KANK1: variants seen among roughly 807,000 people sequenced by gnomAD.
The protein encoded by KANK1 is KN motif and ankyrin repeat domains 1.
KANK1 carries 109 observed loss-of-function variants against 106.2 expected under a neutral mutation model. The ratio of observed to expected loss-of-function variants is 1.03; its 90% CI spans 0.88 to 1.20. The LOEUF (loss-of-function observed/expected upper bound fraction) is 1.20, where lower values mean the gene tolerates loss of function less well. Among genes scored for constraint, KANK1 ranks in the 50% most tolerant of loss-of-function variants. KANK1 has a pLI of 0.00. For missense variants in KANK1, 2,399 were observed against 1,710.7 expected (o/e 1.40, Z -7.10); for synonymous variants, 873 against 652.2 (o/e 1.34, Z -5.16).
chr9:569,046 C>A (rs1718181075), intron 1 of KANK1, among the ~76,000 whole-genome samples: 1 of 152,070 alleles, frequency 6.6e-6, no homozygotes, highest in Non-Finnish European at 1.5e-5. Context: ...CAGCTGGGGA[C>A]CAGCTCCACT....
rs77736906 is a variant in KANK1, at chr9:528,139, GA to G, written c.-84+23401del. On this transcript the variant is annotated intron_variant, in intron 1 of 11. Coordinates refer to ENST00000382297, the MANE Select transcript of KANK1 (RefSeq NM_015158.5). Reference sequence around the variant, plus strand: ...GCAACAGAGCGAGACTCCGTCTCGGGAAAAAAAAAAAAAAAACTTTTTAGGA... The same window carrying G: ...GCAACAGAGCGAGACTCCGTCTCGGGAAAAAAAAAAAAAAACTTTTTAGGA... Among the ~76,000 whole-genome samples, 508 of 125,800 alleles carry G rather than the reference GA, an allele frequency of 4.0e-3. 1 individual carries two copies. Among genetic ancestry groups the G allele is most frequent in the African/African-American group, 5.2e-3 (178 of 34,548 alleles). 82.5% of individuals were successfully genotyped at this position (125,800 alleles called of 152,430 possible).
chr9:520,580 C>T (rs2059499557), intron 1 of KANK1, among the ~76,000 whole-genome samples: 1 of 151,696 alleles, frequency 6.6e-6, no homozygotes, highest in South Asian at 2.1e-4. Context: ...ACAATATAAT[C>T]TAACATAATG....
intron 1 of KANK1, among the ~76,000 whole-genome samples, chr9:672,176 G>C (rs1007356997): frequency 5.3e-5 from 8 of 152,144 alleles, no homozygotes; most frequent in African/African-American, 1.9e-4. Flanking sequence ...TTAAATGTCA[G>C]CACTGTCATA....
rs573804181 is a variant in KANK1 at position 676,895 on chromosome 9, A to G, written c.-78A>G. 37 of 1,120,574 alleles carry G rather than the reference A, an allele frequency of 3.3e-5. No homozygotes were observed. In the South Asian group the frequency reaches 4.8e-4, roughly 15 times the overall value. 69.4% of individuals were successfully genotyped at this position (1,120,574 alleles called of 1,614,324 possible). A position where few individuals can be genotyped will look rare whatever the true frequency, so the allele number is the denominator to read the frequency against. On this transcript the variant is annotated 5_prime_UTR_variant, in exon 2 of 12. It removes an upstream start codon present in the reference 5' UTR. Transcript: ENST00000382297. ...GGCTCTCTTTATTGTTTCAGGTTGA[A>G]TGCCTTTGAGAACTTGATGCATAAA...
intron 1 of KANK1, among the ~76,000 whole-genome samples, chr9:629,133 A>C (rs1013349716): frequency 6.6e-6 from 1 of 152,054 alleles, no homozygotes; most frequent in Non-Finnish European, 1.5e-5. Context: ...GTAGTATGTA[A>C]AATAATGTAT....
intron 1 of KANK1, among the ~76,000 whole-genome samples, chr9:609,145 A>G (rs1042697391): frequency 6.6e-6 from 1 of 152,132 alleles, no homozygotes; most frequent in Non-Finnish European, 1.5e-5. Flanking sequence ...CATAAATAGC[A>G]ATTGGCTTTA....
At chr9:667,622 T>C (rs1292199175) in intron 1 of KANK1, among the ~76,000 whole-genome samples, 1 of 152,154 alleles carries the variant, frequency 6.6e-6, no homozygotes, top group African/African-American at 2.4e-5. Context: ...TATGTTGTGT[T>C]TCTATTTTTA....
At chr9:499,039 G>A (rs776313794) in intron 3 of KANK1, among the ~76,000 whole-genome samples, 2 of 151,984 alleles carry the variant, frequency 1.3e-5, no homozygotes, top group Non-Finnish European at 2.9e-5. Flanking sequence ...TTAGCCAGGC[G>A]TGGTGGCGAG....
At chr9:707,428 C>T (rs1824668102) in intron 2 of KANK1, among the ~76,000 whole-genome samples, 1 of 152,276 alleles carries the variant, frequency 6.6e-6, no homozygotes, top group African/African-American at 2.4e-5. Flanking sequence ...CCGGATCAGC[C>T]TGCCTGACAG....
In KANK1 at chr9:514,657, T is replaced by C. The variant is rs190540101; in HGVS notation, c.-84+9903T>C. Among the ~76,000 whole-genome samples the C allele has an allele frequency of 1.1e-3, 164 of 151,856 alleles. 5 individuals are homozygous for C. Among genetic ancestry groups the C allele is most frequent in the Middle Eastern group, 0.01 (3 of 294 alleles). On this transcript the variant is annotated intron_variant, in intron 1 of 11. Coordinates refer to ENST00000382297, the MANE Select transcript of KANK1 (RefSeq NM_015158.5). ...TGGGTTCATGCTCATTGCTGTATAG[T>C]GTTCCATCATGTGAATATACTGCTG...
chr9:493,607 G>T (rs372400872), intron 3 of KANK1, among the ~76,000 whole-genome samples: 1 of 148,722 alleles, frequency 6.7e-6, no homozygotes, highest in Non-Finnish European at 1.5e-5. Context: ...GAGTGCAGTG[G>T]GGTGATCTCG....
At chr9:534,859 G>T (rs969803915) in intron 1 of KANK1, among the ~76,000 whole-genome samples, 2 of 152,178 alleles carry the variant, frequency 1.3e-5, no homozygotes, top group Non-Finnish European at 2.9e-5. Flanking sequence ...GTAAAATTTT[G>T]CCCATGTGGG....
intron 5 of KANK1, chr9:732,053 G>C (rs907235912): frequency 3.9e-5 from 7 of 178,250 alleles, no homozygotes; most frequent in South Asian, 1.3e-4. Flanking sequence ...GACATGGGGT[G>C]GGGGGGGGAC....
intron 3 of KANK1, among the ~76,000 whole-genome samples, chr9:482,956 C>A (rs1203920601): frequency 6.6e-6 from 1 of 152,202 alleles, no homozygotes; most frequent in Non-Finnish European, 1.5e-5. Flanking sequence ...AGAGTATTCA[C>A]ACTATAGAGG....
At chr9:527,853 T>A (rs973355320) in intron 1 of KANK1, among the ~76,000 whole-genome samples, 3 of 151,390 alleles carry the variant, frequency 2.0e-5, no homozygotes, top group African/African-American at 7.3e-5. Flanking sequence ...CACTTCTCTT[T>A]AAAAGTTTTT....
chr9:698,616 C>T (rs537799827), intron 2 of KANK1, among the ~76,000 whole-genome samples: 1 of 152,308 alleles, frequency 6.6e-6, no homozygotes, highest in Non-Finnish European at 1.5e-5. Flanking sequence ...GTATTAGGGG[C>T]AGACAGAGTC....
chr9:615,337 G>A (rs78689159), intron 1 of KANK1, among the ~76,000 whole-genome samples: 62 of 152,238 alleles, frequency 4.1e-4, no homozygotes, highest in African/African-American at 1.4e-3. Context: ...TGTATTCTTT[G>A]CTCTTTTAGT....
chr9:730,859 C>T (rs969120344), intron 4 of KANK1: 3 of 222,638 alleles, frequency 1.3e-5, no homozygotes, highest in East Asian at 1.2e-4. Flanking sequence ...CCTTGAGGCT[C>T]GTGAGACACG....
intron 1 of KANK1, among the ~76,000 whole-genome samples, chr9:599,210 G>T (rs891778877): frequency 6.6e-5 from 10 of 150,542 alleles, no homozygotes; most frequent in African/African-American, 2.5e-4. Context: ...TAGAGACGGG[G>T]TTTTTCCATG....
Sources: allele counts gnomAD v4.1 joint callset (sites outside exome capture counted in the v4.1 genomes callset), GRCh38; gene constraint gnomAD v4.1.1; transcripts MANE v1.5; gene names NCBI Gene and HGNC (gene_info 2026-07-23, HGNC 2026-07-21).